ADGRL2: variants seen among roughly 807,000 people sequenced by gnomAD.
The protein encoded by ADGRL2 is calcium-independent alpha-latrotoxin receptor 2.
Under a neutral mutation model 157.4 loss-of-function variants are expected in ADGRL2, and 44 were observed. The observed-to-expected ratio is 0.28, with a 90% CI of 0.22 to 0.36. The LOEUF (loss-of-function observed/expected upper bound fraction) is 0.36. Among genes scored for constraint, ADGRL2 ranks in the 10% least tolerant of loss-of-function variants. ADGRL2 has a pLI of 1.00. For missense variants in ADGRL2, 1,510 were observed against 1,768.9 expected, an observed-to-expected ratio of 0.85 and a Z score of 2.63; for synonymous variants, 585 against 624.7, an observed-to-expected ratio of 0.94 and a Z score of 0.95.
At chr1:81,813,016 G>A (rs2090028423) in intron 1 of ADGRL2, among the ~76,000 whole-genome samples, 2 of 151,654 alleles carry the variant, frequency 1.3e-5, no homozygotes, top group Non-Finnish European at 3.0e-5. Flanking sequence ...TTTTTCATTC[G>A]GGTGTTTAGG....
chr1:81,763,994 A>G (rs939101645), intron 2 of ADGRL2, among the ~76,000 whole-genome samples: 1 of 151,892 alleles, frequency 6.6e-6, no homozygotes, highest in Non-Finnish European at 1.5e-5. Context: ...CGACAGTGAG[A>G]CTCTGTATCA....
chr1:81,574,935 C>T lies in ADGRL2; in HGVS notation c.-247-5941C>T, dbSNP rs570968648. Reference sequence around the variant, plus strand: ...ATATTGTGAAATAAAGCTCGTAGCTCCCCTCTGTGTGTACTTCCAGCTGCA... The same window carrying T: ...ATATTGTGAAATAAAGCTCGTAGCTTCCCTCTGTGTGTACTTCCAGCTGCA... On this transcript the variant is annotated intron_variant, in intron 2 of 24. Coordinates refer to the ADGRL2 transcript ENST00000370721. Among the ~76,000 whole-genome samples the T allele has an allele frequency of 5.9e-5, 9 of 152,328 alleles. No individual in the cohort carries two copies. In the South Asian group the frequency reaches 1.9e-3, roughly 32 times the overall value.
At chr1:81,358,536 T>C (rs1237289977) in intron 1 of ADGRL2, among the ~76,000 whole-genome samples, 1 of 152,178 alleles carries the variant, frequency 6.6e-6, no homozygotes, top group Non-Finnish European at 1.5e-5. Context: ...TTTTGTGTTC[T>C]TTCATTTCTT....
At chr1:81,664,264 G>C (rs189502286) in intron 3 of ADGRL2, among the ~76,000 whole-genome samples, 1 of 151,990 alleles carries the variant, frequency 6.6e-6, no homozygotes, top group East Asian at 1.9e-4. Flanking sequence ...CAGACATCTA[G>C]AATATAGTAA....
At chr1:81,967,954 A>T in intron 13 of ADGRL2, 72 bp from the exon 14 acceptor site, 1 of 1,207,674 alleles carries the variant, frequency 8.3e-7, no homozygotes, top group Non-Finnish European at 1.2e-6. Context: ...TACCTTTTAT[A>T]CATATTAAAC....
At chr1:81,490,658 A>G (rs1399237873) in intron 2 of ADGRL2, among the ~76,000 whole-genome samples, 3 of 152,200 alleles carry the variant, frequency 2.0e-5, no homozygotes, top group African/African-American at 7.2e-5. Context: ...AACAATACCA[A>G]TGATGTACAG....
intron 1 of ADGRL2, among the ~76,000 whole-genome samples, chr1:81,386,776 C>T (rs1461487158): frequency 1.3e-5 from 2 of 152,146 alleles, no homozygotes; most frequent in African/African-American, 4.8e-5. Context: ...AAATTGCACC[C>T]TATTAAATCT....
intron 2 of ADGRL2, among the ~76,000 whole-genome samples, chr1:81,570,789 C>T (rs1226360676): frequency 6.6e-6 from 1 of 151,988 alleles, no homozygotes; most frequent in Non-Finnish European, 1.5e-5. Context: ...TAATTTTTTT[C>T]AGTTATCAAT....
At chr1:81,418,726 C>T (rs2077076107) in intron 1 of ADGRL2, among the ~76,000 whole-genome samples, 1 of 152,170 alleles carries the variant, frequency 6.6e-6, no homozygotes, top group Non-Finnish European at 1.5e-5. Context: ...TGCACTCCAG[C>T]CTGGACGACA....
chr1:81,811,752 T>G (rs2089894427), intron 1 of ADGRL2, among the ~76,000 whole-genome samples: 1 of 151,744 alleles, frequency 6.6e-6, no homozygotes, highest in Admixed American at 6.6e-5. Context: ...AAGAAGAAAA[T>G]ACAGTTAGCA....
In ADGRL2 at chr1:81,993,287, G is replaced by A. The variant is rs1664925674; in HGVS notation, c.*2142G>A. On this transcript the variant is annotated 3_prime_UTR_variant, in exon 24 of 24. Coordinates refer to ENST00000686636, the MANE Select transcript of ADGRL2 (RefSeq NM_001366006.2). ...GATTTATAAACTACTTGCTAAAGGA[G>A]GGCATTAGATAATCAAGTATTTTTA... is the stretch of plus-strand genomic sequence containing the variant. 6.7e-6 allele frequency among the ~76,000 whole-genome samples: 1 copy of A among 150,258 alleles called. No homozygotes were observed. The highest frequency in any genetic ancestry group is 6.6e-5 in the Admixed American group (1 of 15,048).
intron 1 of ADGRL2, among the ~76,000 whole-genome samples, chr1:81,726,883 C>G (rs922184270): frequency 2.0e-5 from 3 of 152,174 alleles, no homozygotes; most frequent in Non-Finnish European, 1.5e-5. Context: ...TAGGGATTCA[C>G]TGCTTTTAAT....
intron 2 of ADGRL2, among the ~76,000 whole-genome samples, chr1:81,843,831 G>A (rs543090424): frequency 1.7e-4 from 26 of 152,220 alleles, no homozygotes; most frequent in African/African-American, 6.3e-4. Context: ...TGAAGATAAA[G>A]TTCAAGTGCT....
At chr1:81,888,632 C>T (rs2094186828) in intron 2 of ADGRL2, among the ~76,000 whole-genome samples, 1 of 151,920 alleles carries the variant, frequency 6.6e-6, no homozygotes, top group Non-Finnish European at 1.5e-5. Context: ...TTAGTAGAGA[C>T]GGGGTTTCAC....
At position 81,943,511 on chromosome 1, in the gene ADGRL2, GC is replaced by G; in HGVS notation, c.953del (p.Ala318ValfsTer3). 1 of 1,613,776 alleles carries G rather than the reference GC, an allele frequency of 6.2e-7. No individual in the cohort carries two copies. The highest frequency in any genetic ancestry group is 2.2e-5 in the East Asian group (1 of 44,862). ...ATACGACAAACGTGCCGCATCAAATGCTTTTATGATATGCGGAGTCCTCTAT... is the reference window on the plus strand; with the variant it reads ...ATACGACAAACGTGCCGCATCAAATGTTTTATGATATGCGGAGTCCTCTAT... Reference protein sequence around the residue: ...TVYDKRAASNAFMICGVLYVV... With the variant: ...TVYDKRAASNXFMICGVLYVV... On this transcript the variant is annotated frameshift_variant, in exon 6 of 24. Transcript: ENST00000686636. LOFTEE classifies it high-confidence loss of function. This position sits in a 1 kb window ranked among gnomAD's most constrained non-coding sequence, Gnocchi z 5.6.
intron 3 of ADGRL2, among the ~76,000 whole-genome samples, chr1:81,672,925 T>C (rs1382160962): frequency 6.6e-6 from 1 of 152,230 alleles, no homozygotes; most frequent in Non-Finnish European, 1.5e-5. Context: ...GATTACACAT[T>C]TTATTGCTGG....
intron 1 of ADGRL2, among the ~76,000 whole-genome samples, chr1:81,387,467 T>C (rs891094667): frequency 1.3e-5 from 2 of 152,188 alleles, no homozygotes; most frequent in African/African-American, 4.8e-5. Flanking sequence ...TTATGATTTG[T>C]TTTCTATAGA....
rs186364423 is a variant in ADGRL2 at position 81,593,546 on chromosome 1, T to G, written c.-143+12566T>G. On this transcript the variant is annotated intron_variant, in intron 3 of 24. Transcript: ENST00000370721. ...TGATTATTGCTGATGTTCCATTATT[T>G]GTGATCACTCACTTATCTACTATCT... 1.1e-4 allele frequency among the ~76,000 whole-genome samples: 16 copies of G among 152,350 alleles called. No homozygotes were observed. The East Asian group carries it at 2.5e-3, about 24-fold the overall frequency.
At chr1:81,988,858 C>A (rs1240575062) in intron 23 of ADGRL2, among the ~76,000 whole-genome samples, 7 of 151,692 alleles carry the variant, frequency 4.6e-5, no homozygotes, top group Admixed American at 4.6e-4. Flanking sequence ...GTATTTTTTT[C>A]CAAGAATTAA....
Sources: gnomAD v4.1 joint callset for allele counts (sites outside exome capture counted in the v4.1 genomes callset) on GRCh38, gnomAD v4.1.1 for gene constraint, Gnocchi (gnomAD v3.1) non-coding constraint, MANE v1.5 for transcripts, NCBI Gene and HGNC (gene_info 2026-07-23, HGNC 2026-07-21) for gene names.